The following PLEKHA5 variants were observed in gnomAD, a reference collection of about 807,000 sequenced individuals.
PLEKHA5 encodes the protein pleckstrin homology domain-containing family A member 5.
In PLEKHA5, 55 loss-of-function variants were observed where a neutral mutation model predicts 181.9. The ratio of observed to expected loss-of-function variants is 0.30; its 90% CI spans 0.24 to 0.38. The LOEUF is 0.38. Among genes scored for constraint, PLEKHA5 ranks in the 10% least tolerant of loss-of-function variants. PLEKHA5 has a pLI of 1.00. For missense variants in PLEKHA5, 1,432 were observed against 1,549.5 expected (o/e 0.92, Z 1.27); for synonymous variants, 535 against 529.4 (o/e 1.01, Z -0.15).
At chr12:19,360,965 C>T (rs2095213745) in intron 28 of PLEKHA5, among the ~76,000 whole-genome samples, 1 of 152,068 alleles carries the variant, frequency 6.6e-6, no homozygotes, top group Non-Finnish European at 1.5e-5. Flanking sequence ...CCATGTTGAC[C>T]AGGCTGGTCT....
At chr12:19,317,528 G>A (rs906517896) in intron 16 of PLEKHA5, among the ~76,000 whole-genome samples, 2 of 151,152 alleles carry the variant, frequency 1.3e-5, no homozygotes, top group Non-Finnish European at 2.9e-5. Flanking sequence ...CATTTTTTTT[G>A]CCATCTGTGG....
chr12:19,153,004 TTTTTTTTG>T (rs2040811692), intron 3 of PLEKHA5: 7 of 31,062 alleles, frequency 2.3e-4, no homozygotes, highest in South Asian at 1.3e-3. Context: ...TTTTTTGTTT[TTTTTTTTG>T]TTGTTTTTAA....
chr12:19,139,900 G>T (rs1380037925), intron 3 of PLEKHA5, among the ~76,000 whole-genome samples: 5 of 152,210 alleles, frequency 3.3e-5, no homozygotes, highest in African/African-American at 1.2e-4. Flanking sequence ...AAGACTTGGG[G>T]GATGGGGTTG....
intron 3 of PLEKHA5, among the ~76,000 whole-genome samples, chr12:19,239,516 T>G (rs1174989159): frequency 6.6e-6 from 1 of 152,224 alleles, no homozygotes; most frequent in East Asian, 1.9e-4. Context: ...AAACTGAACC[T>G]AAATTAGGTG....
rs981629304 is a variant in PLEKHA5 at position 19,270,049 on chromosome 12, A to G, written c.828-139A>G. 112 of 623,526 alleles carry G rather than the reference A, an allele frequency of 1.8e-4. No individual in the cohort carries two copies. In the African/African-American group the frequency reaches 2.0e-3, roughly 11 times the overall value. The allele number at this position is 623,526 out of a possible 1,614,324, so 38.6% of individuals were successfully genotyped here. A position where few individuals can be genotyped will look rare whatever the true frequency, so the allele number is the denominator to read the frequency against. On this transcript the variant is annotated intron_variant, in intron 9 of 31. Coordinates refer to ENST00000429027, the MANE Select transcript of PLEKHA5 (RefSeq NM_001256470.2). ...TTCCTGTTCTGAATTAAATTAATAC[A>G]CATTTTGTTAGTTTGCGATACCACC...
In PLEKHA5 at chr12:19,213,430, A is replaced by G. The variant is rs143767867; in HGVS notation, c.228-40510A>G. On this transcript the variant is annotated intron_variant, in intron 3 of 31. Coordinates refer to ENST00000429027, the MANE Select transcript of PLEKHA5 (RefSeq NM_001256470.2). ...TCCTTCAGTGCTGCTAGAGTATTCA[A>G]TGTGAGGTGCTTGGGGGCAGGGAGC... Among the ~76,000 whole-genome samples, 636 of 152,280 alleles carry G rather than the reference A, an allele frequency of 4.2e-3. 5 individuals carry two copies. Among genetic ancestry groups the G allele is most frequent in the Middle Eastern group, 0.014 (4 of 294 alleles).
chr12:19,326,248 A>G lies in PLEKHA5; in HGVS notation c.2448+3581A>G, dbSNP rs192588903. Among the ~76,000 whole-genome samples the G allele has an allele frequency of 3.3e-3, 495 of 152,306 alleles. 3 individuals are homozygous for G. The highest frequency in any genetic ancestry group is 0.012 in the African/African-American group (489 of 41,572). On this transcript the variant is annotated intron_variant, in intron 20 of 31. Transcript: ENST00000429027. The stretch of plus-strand genomic sequence containing the variant: ...TTTGTGCCTTTATGTAAACTTATTT[A>G]TATTTGTAGCTTAAGGCTGCAAATG...
intron 3 of PLEKHA5, among the ~76,000 whole-genome samples, chr12:19,233,141 A>T (rs2060888221): frequency 6.6e-6 from 1 of 152,190 alleles, no homozygotes; most frequent in Admixed American, 6.5e-5. Context: ...TACTTTTGTA[A>T]TTAGTGTTAC....
chr12:19,190,410 GC>G (rs1343533328), intron 3 of PLEKHA5, among the ~76,000 whole-genome samples: 1 of 152,120 alleles, frequency 6.6e-6, no homozygotes, highest in Non-Finnish European at 1.5e-5. Context: ...AAAGCACTGT[GC>G]CAGGTGCTGC....
At chr12:19,221,325 G>T (rs1174181543) in intron 3 of PLEKHA5, among the ~76,000 whole-genome samples, 2 of 152,152 alleles carry the variant, frequency 1.3e-5, no homozygotes, top group African/African-American at 4.8e-5. Flanking sequence ...GAAGAAATGG[G>T]CTGTCAAGCT....
intron 3 of PLEKHA5, among the ~76,000 whole-genome samples, chr12:19,230,428 G>A (rs2060339829): frequency 6.6e-6 from 1 of 152,180 alleles, no homozygotes. Context: ...TCGTCGGGGA[G>A]GCTTGGGCCG....
chr12:19,185,463 CAGAG>C (rs1180108784), intron 3 of PLEKHA5, among the ~76,000 whole-genome samples: 6 of 152,060 alleles, frequency 3.9e-5, no homozygotes, highest in Non-Finnish European at 4.4e-5. Context: ...GGGGCAATAA[CAGAG>C]AGAAAGACAG....
At chr12:19,250,690 G>A (rs973954655) in intron 3 of PLEKHA5, among the ~76,000 whole-genome samples, 2 of 151,454 alleles carry the variant, frequency 1.3e-5, no homozygotes, top group East Asian at 1.9e-4. Flanking sequence ...TTTTATTCTC[G>A]GTTTTTATTA....
chr12:19,297,249 C>T (rs1481081911), intron 15 of PLEKHA5, among the ~76,000 whole-genome samples: 2 of 151,882 alleles, frequency 1.3e-5, no homozygotes, highest in Non-Finnish European at 2.9e-5. Flanking sequence ...CATCAGATAG[C>T]TAAAGGACGT....
chr12:19,245,657 A>G (rs1470672452), intron 3 of PLEKHA5, among the ~76,000 whole-genome samples: 1 of 145,438 alleles, frequency 6.9e-6, no homozygotes, highest in Non-Finnish European at 1.5e-5. Flanking sequence ...GAACCCGGAG[A>G]CAGAGCTTGC....
intron 3 of PLEKHA5, among the ~76,000 whole-genome samples, chr12:19,174,679 G>C (rs1423003595): frequency 6.6e-6 from 1 of 152,106 alleles, no homozygotes; most frequent in Non-Finnish European, 1.5e-5. Context: ...TCAGCTTATT[G>C]TAGCAGAGCC....
rs1200010904 is a variant in PLEKHA5 at position 19,214,210 on chromosome 12, C to T, written c.228-39730C>T. Among the ~76,000 whole-genome samples, 3 of 151,722 alleles carry T rather than the reference C, an allele frequency of 2.0e-5. No individual in the cohort carries two copies. In the East Asian group the frequency reaches 5.9e-4, roughly 30 times the overall value. On this transcript the variant is annotated intron_variant, in intron 3 of 31. Transcript: ENST00000429027. ...AGCAGAAGTGATTAGCATAAAAGAA[C>T]CAGAGGACTGAGATTAGGAAAACCA...
intron 3 of PLEKHA5, among the ~76,000 whole-genome samples, chr12:19,235,007 T>C (rs1472562889): frequency 2.0e-5 from 3 of 152,204 alleles, no homozygotes; most frequent in African/African-American, 4.8e-5. Context: ...CTTTTTCATG[T>C]TTCTGAGAAT....
chr12:19,359,842 T>C (rs2095135973), intron 28 of PLEKHA5, among the ~76,000 whole-genome samples: 1 of 151,704 alleles, frequency 6.6e-6, no homozygotes, highest in East Asian at 1.9e-4. Context: ...GGCAGGCTCC[T>C]GTAGTCCCAG....
Sources: gnomAD v4.1 joint callset for allele counts (sites outside exome capture counted in the v4.1 genomes callset) on GRCh38, gnomAD v4.1.1 for gene constraint, MANE v1.5 for transcripts, NCBI Gene and HGNC (gene_info 2026-07-23, HGNC 2026-07-21) for gene names.